The following CNTLN variants were observed in gnomAD, a reference collection of about 807,000 sequenced individuals.
The protein encoded by CNTLN is centlein, centrosomal protein.
CNTLN carries 212 observed loss-of-function variants against 180.0 expected under a neutral mutation model. The ratio of observed to expected loss-of-function variants is 1.18; its 90% confidence interval spans 1.05 to 1.32. The LOEUF is 1.32. Among genes scored for constraint, CNTLN ranks in the 40% most tolerant of loss-of-function variants. The pLI is 0.00. For missense variants in CNTLN, 2,095 were observed against 1,610.9 expected (o/e 1.30, Z -5.14); for synonymous variants, 722 against 563.1 (o/e 1.28, Z -3.99).
chr9:17,517,692 G>A, the CNTLN span, among the ~76,000 whole-genome samples: 1 of 152,094 alleles, frequency 6.6e-6, no homozygotes, highest in African/African-American at 2.4e-5. Context: ...ATTCTCTCCA[G>A]CAAGGCCATT....
chr9:17,212,663 C>G (rs1823413556), intron 2 of CNTLN, among the ~76,000 whole-genome samples: 1 of 152,130 alleles, frequency 6.6e-6, no homozygotes, highest in Non-Finnish European at 1.5e-5. Flanking sequence ...TGGTAGAATT[C>G]AGCTGTGAAT....
intron 18 of CNTLN, among the ~76,000 whole-genome samples, chr9:17,449,205 A>G (rs1288176910): frequency 6.6e-6 from 1 of 152,160 alleles, no homozygotes; most frequent in East Asian, 1.9e-4. Flanking sequence ...AGTACCTGGT[A>G]TTTAGTTTTC....
At chr9:17,135,939 C>T (rs1479999635) in intron 1 of CNTLN, among the ~76,000 whole-genome samples, 1 of 152,232 alleles carries the variant, frequency 6.6e-6, no homozygotes, top group Non-Finnish European at 1.5e-5. Context: ...TTTAGAAAGT[C>T]TCAGAGCCGG....
intron 2 of CNTLN, among the ~76,000 whole-genome samples, chr9:17,194,406 A>C (rs973715618): frequency 1.3e-5 from 2 of 152,228 alleles, no homozygotes; most frequent in African/African-American, 4.8e-5. Context: ...TTCTCCTGCC[A>C]GATACCCTAA....
downstream of CNTLN, among the ~76,000 whole-genome samples, chr9:17,507,202 C>A (rs1204146521): frequency 1.3e-5 from 2 of 152,012 alleles, no homozygotes; most frequent in Non-Finnish European, 2.9e-5. Flanking sequence ...TTGTGTGTAC[C>A]CAATGTTTAT....
chr9:17,327,213 C>CTTT (rs71492913), intron 8 of CNTLN, among the ~76,000 whole-genome samples: 1,834 of 117,730 alleles, frequency 0.016, 95 homozygotes, highest in African/African-American at 0.035. Flanking sequence ...AGTAGTTAAC[C>CTTT]TTTTTTTTTT....
chr9:17,430,211 C>T (rs1376073177), intron 18 of CNTLN, among the ~76,000 whole-genome samples: 1 of 151,910 alleles, frequency 6.6e-6, no homozygotes, highest in East Asian at 1.9e-4. Context: ...CTAAAATTCT[C>T]CCTAGACTCT....
At chr9:17,387,506 T>C (rs762740892) in intron 13 of CNTLN, among the ~76,000 whole-genome samples, 1 of 152,182 alleles carries the variant, frequency 6.6e-6, no homozygotes, top group Non-Finnish European at 1.5e-5. Flanking sequence ...GTTGTTAAGT[T>C]ACTTGTAGGT....
chr9:17,494,955 C>T, intron 25 of CNTLN: 1 of 443,834 alleles, frequency 2.3e-6, no homozygotes, highest in East Asian at 7.3e-5. Flanking sequence ...AATCGTGGCT[C>T]ACCAAAACCT....
At chr9:17,519,020 T>C in the CNTLN span, among the ~76,000 whole-genome samples, 2 of 152,314 alleles carry the variant, frequency 1.3e-5, no homozygotes, top group East Asian at 3.9e-4. Context: ...CCTCCCGGGC[T>C]CAAGTGATCC....
intron 19 of CNTLN, among the ~76,000 whole-genome samples, chr9:17,461,373 C>G (rs938967695): frequency 6.6e-6 from 1 of 151,558 alleles, no homozygotes; most frequent in Admixed American, 6.6e-5. Flanking sequence ...AAATAAGACA[C>G]AATACATCAC....
chr9:17,453,466 T>A (rs912955950), intron 18 of CNTLN, among the ~76,000 whole-genome samples: 4 of 152,174 alleles, frequency 2.6e-5, no homozygotes, highest in Non-Finnish European at 5.9e-5. Context: ...GACAGAGTGG[T>A]AGTAAGAGAA....
intron 18 of CNTLN, among the ~76,000 whole-genome samples, chr9:17,441,485 A>G (rs976838960): frequency 2.6e-5 from 4 of 152,118 alleles, no homozygotes; most frequent in Admixed American, 6.5e-5. Context: ...ATGAGCTTAA[A>G]AGATTGTTAT....
At chr9:17,417,923 T>TG (rs1828393475) in intron 18 of CNTLN, among the ~76,000 whole-genome samples, 1 of 151,994 alleles carries the variant, frequency 6.6e-6, no homozygotes. Context: ...AAAAAGCACC[T>TG]CAGTTACTGC....
Position 17,306,834 on chromosome 9 carries a change from C to T in CNTLN, c.1147-2224C>T, listed in dbSNP as rs573922266. ...ATATTGGTTAGTGTAAATAATGCAC[C>T]CGAGATTAGAAAGTGGTTAAATATT... On this transcript the variant is annotated intron_variant, in intron 7 of 25. Coordinates refer to ENST00000380647, the MANE Select transcript of CNTLN (RefSeq NM_017738.4). Among the ~76,000 whole-genome samples the T allele has an allele frequency of 4.0e-5, 6 of 151,774 alleles. No homozygotes were observed. The East Asian group carries it at 1.2e-3, about 29-fold the overall frequency.
intron 2 of CNTLN, among the ~76,000 whole-genome samples, chr9:17,181,256 T>A (rs1040987804): frequency 1.3e-5 from 2 of 152,214 alleles, no homozygotes. Flanking sequence ...TGGTAAATTC[T>A]GTTGTTCTCT....
chr9:17,473,330 AC>A (rs1449663825), intron 23 of CNTLN, among the ~76,000 whole-genome samples: 2 of 152,132 alleles, frequency 1.3e-5, no homozygotes, highest in African/African-American at 4.8e-5. Flanking sequence ...AACAGAAGCA[AC>A]CCAGAGATAA....
rs367959766 is a variant in CNTLN at position 17,256,817 on chromosome 9, G to T, written c.850-16916G>T. Among the ~76,000 whole-genome samples the T allele has an allele frequency of 4.9e-4, 75 of 151,890 alleles. 2 individuals carry two copies. The highest frequency in any genetic ancestry group is 1.7e-3 in the African/African-American group (72 of 41,486). ...TTTTCACTGGCCTGTTTCGATATTT[G>T]ACTGTTTCTCTCTCTTGATTTTTTG... is the stretch of plus-strand genomic sequence containing the variant. On this transcript the variant is annotated intron_variant, in intron 5 of 25. Coordinates refer to ENST00000380647, the MANE Select transcript of CNTLN (RefSeq NM_017738.4).
chr9:17,248,762 C>G (rs983849334), intron 5 of CNTLN, among the ~76,000 whole-genome samples: 4 of 151,380 alleles, frequency 2.6e-5, no homozygotes, highest in Non-Finnish European at 5.9e-5. Flanking sequence ...TAGCATTATG[C>G]AAACCTGAAC....
Sources: gnomAD v4.1 joint callset for allele counts (sites outside exome capture counted in the v4.1 genomes callset) on GRCh38, gnomAD v4.1.1 for gene constraint, MANE v1.5 for transcripts, NCBI Gene and HGNC (gene_info 2026-07-23, HGNC 2026-07-21) for gene names.